Variants in KLHL1 observed in about 807,000 individuals in gnomAD.
KLHL1 encodes the protein kelch like family member 1.
Under a neutral mutation model 77.7 loss-of-function variants are expected in KLHL1, and 47 were observed. The observed-to-expected ratio is 0.60, with a 90% CI of 0.48 to 0.77. KLHL1 has a LOEUF of 0.77. KLHL1 is among the 30% of genes least tolerant of loss of function. KLHL1 has a pLI of 0.00. For missense variants in KLHL1, 925 were observed against 910.8 expected (o/e 1.02, Z -0.20); for synonymous variants, 360 against 325.2 (o/e 1.11, Z -1.15).
intron 10 of KLHL1, among the ~76,000 whole-genome samples, chr13:69,706,218 A>T (rs1875618454): frequency 6.6e-6 from 1 of 151,842 alleles, no homozygotes; most frequent in African/African-American, 2.4e-5. Context: ...TAAAATGTAG[A>T]AAATAACAAG....
intron 1 of KLHL1, among the ~76,000 whole-genome samples, chr13:70,069,400 G>C (rs1031415949): frequency 2.6e-5 from 4 of 152,144 alleles, no homozygotes; most frequent in Admixed American, 2.6e-4. Context: ...TAAAGCCTCA[G>C]TTTCTTTTAA....
chr13:69,955,841 C>T (rs1181279786), intron 3 of KLHL1, among the ~76,000 whole-genome samples: 1 of 144,534 alleles, frequency 6.9e-6, no homozygotes, highest in East Asian at 2.0e-4. Context: ...AATTGTTTTG[C>T]TCCATTTTTA....
intron 6 of KLHL1, among the ~76,000 whole-genome samples, chr13:69,813,644 A>G (rs964719146): frequency 2.6e-5 from 4 of 152,082 alleles, no homozygotes. Flanking sequence ...ATCCCATCTC[A>G]TTTACAATAT....
chr13:69,751,341 G>A (rs1350343425), intron 7 of KLHL1, among the ~76,000 whole-genome samples: 2 of 151,894 alleles, frequency 1.3e-5, no homozygotes, highest in Admixed American at 6.6e-5. Context: ...CTCACAGAAC[G>A]CGTACAGGTG....
chr13:69,825,747 G>A (rs1566296672), intron 6 of KLHL1, among the ~76,000 whole-genome samples: 2 of 152,084 alleles, frequency 1.3e-5, no homozygotes, highest in African/African-American at 2.4e-5. Flanking sequence ...TTTCAACTAA[G>A]GTAGTAGAAA....
chr13:70,034,866 G>A (rs928157528), intron 1 of KLHL1, among the ~76,000 whole-genome samples: 1 of 152,040 alleles, frequency 6.6e-6, no homozygotes, highest in Non-Finnish European at 1.5e-5. Flanking sequence ...TTAGTCAATA[G>A]TTACATCTCT....
intron 1 of KLHL1, among the ~76,000 whole-genome samples, chr13:70,011,751 C>T (rs917082049): frequency 1.3e-5 from 2 of 152,202 alleles, no homozygotes; most frequent in Non-Finnish European, 2.9e-5. Flanking sequence ...GCTTAGGAAT[C>T]AGCTTTTCCT....
At chr13:70,107,021 C>T (rs534734202) in intron 1 of KLHL1, among the ~76,000 whole-genome samples, 182 bp downstream of exon 1, 201 of 152,206 alleles carry the variant, frequency 1.3e-3, no homozygotes, top group Non-Finnish European at 2.3e-3. Flanking sequence ...GTGTCTGAAC[C>T]AATAGAAATT....
chr13:69,855,335 G>A (rs370835005), intron 5 of KLHL1, among the ~76,000 whole-genome samples: 1 of 90,004 alleles, frequency 1.1e-5, no homozygotes, highest in East Asian at 2.5e-4. Context: ...TAGATAGATA[G>A]ATAGATAGAT....
At chr13:70,026,722 G>A (rs879395013) in intron 1 of KLHL1, among the ~76,000 whole-genome samples, 25 of 150,704 alleles carry the variant, frequency 1.7e-4, no homozygotes, top group South Asian at 4.2e-4. Flanking sequence ...GTGTGTGTGT[G>A]TGTGTGTGTG....
At chr13:69,712,457 C>T (rs529193227) in intron 9 of KLHL1, among the ~76,000 whole-genome samples, 1 of 152,186 alleles carries the variant, frequency 6.6e-6, no homozygotes, top group Non-Finnish European at 1.5e-5. Flanking sequence ...CCTCACTCCT[C>T]TTTGGTTTCT....
At chr13:69,802,662 C>T (rs139501811) in intron 6 of KLHL1, among the ~76,000 whole-genome samples, 26 of 144,928 alleles carry the variant, frequency 1.8e-4, no homozygotes, top group East Asian at 8.3e-4. Context: ...ATCTAATTAC[C>T]GGTGCATGCA....
intron 8 of KLHL1, among the ~76,000 whole-genome samples, chr13:69,722,885 A>T (rs1340726047): frequency 2.0e-5 from 3 of 152,104 alleles, no homozygotes; most frequent in Non-Finnish European, 4.4e-5. Context: ...TTATTGCAGC[A>T]CTATTCACAA....
rs746411276 is a variant in KLHL1 at position 69,840,750 on chromosome 13, A to G, written c.1228-1588T>C. ...TGTATGTATGTATAGAAGATCTCCA[A>G]TGGAAAGTTTTGAAAGGACTACTAT... On this transcript the variant is annotated intron_variant, in intron 5 of 10. Transcript: ENST00000377844. 1.5e-3 allele frequency among the ~76,000 whole-genome samples: 228 copies of G among 149,188 alleles called. 3 individuals carry two copies. Among genetic ancestry groups the G allele is most frequent in the East Asian group, 5.9e-4 (3 of 5,118 alleles).
chr13:70,090,777 T>C (rs2137441655), intron 1 of KLHL1, among the ~76,000 whole-genome samples: 1 of 152,210 alleles, frequency 6.6e-6, no homozygotes, highest in East Asian at 1.9e-4. Context: ...GTTGAATAAA[T>C]GGAATATCAA....
At chr13:69,856,537 C>A (rs1344050891) in intron 5 of KLHL1, among the ~76,000 whole-genome samples, 1 of 152,066 alleles carries the variant, frequency 6.6e-6, no homozygotes, top group African/African-American at 2.4e-5. Flanking sequence ...ATTCTCAACA[C>A]TACCCTCGGT....
At chr13:69,771,190 C>T (rs933245648) in intron 7 of KLHL1, among the ~76,000 whole-genome samples, 1 of 151,696 alleles carries the variant, frequency 6.6e-6, no homozygotes, top group South Asian at 2.1e-4. Flanking sequence ...TTTACTACCT[C>T]TTCCATGCCT....
At chr13:69,880,334 A>G (rs1393325499) in intron 5 of KLHL1, among the ~76,000 whole-genome samples, 1 of 152,132 alleles carries the variant, frequency 6.6e-6, no homozygotes, top group Non-Finnish European at 1.5e-5. Flanking sequence ...ATATGAAGAC[A>G]TTTTATAAAC....
intron 1 of KLHL1, among the ~76,000 whole-genome samples, chr13:70,037,960 C>G (rs1342450745): frequency 6.6e-6 from 1 of 152,086 alleles, no homozygotes; most frequent in Non-Finnish European, 1.5e-5. Flanking sequence ...ATTCCAATGA[C>G]TGTCATCTGT....
Sources: gnomAD v4.1 joint callset for allele counts (sites outside exome capture counted in the v4.1 genomes callset) on GRCh38, gnomAD v4.1.1 for gene constraint, MANE v1.5 for transcripts, NCBI Gene and HGNC (gene_info 2026-07-23, HGNC 2026-07-21) for gene names.